The following DHX33 variants were observed in gnomAD, a reference collection of about 807,000 sequenced individuals.
The protein encoded by DHX33 is ATP-dependent RNA helicase DHX33.
In DHX33, 42 loss-of-function variants were observed where a neutral mutation model predicts 72.5. The ratio of observed to expected loss-of-function variants is 0.58; its 90% CI spans 0.45 to 0.75. DHX33 has a LOEUF of 0.75. Among genes scored for constraint, DHX33 ranks in the 30% least tolerant of loss-of-function variants. The pLI, the probability that DHX33 is intolerant of heterozygous loss-of-function variation, is 0.00. For synonymous variants in DHX33, 358 were observed against 366.1 expected (o/e 0.98, Z 0.25); for missense variants, 842 against 917.5 (o/e 0.92, Z 1.06).
intron 6 of DHX33, among the ~76,000 whole-genome samples, chr17:5,454,871 C>T (rs1392773664): frequency 6.6e-6 from 1 of 152,160 alleles, no homozygotes; most frequent in East Asian, 1.9e-4. Flanking sequence ...CTGTCCCTGG[C>T]CTTAGAGCCG....
In DHX33 at chr17:5,453,714, T is replaced by C. The variant is rs376286423; in HGVS notation, c.1308-46A>G. The C allele has an allele frequency of 1.5e-5, 24 of 1,612,496 alleles. No homozygotes were observed. The African/African-American group carries it at 1.7e-4, about 12-fold the overall frequency. ...GGGTCATGACCTGATCCCTCTGCCA[T>C]TGAGTCAGAACCCCTCATGGTGGAG... On this transcript the variant is annotated intron_variant, in intron 7 of 11. Transcript: ENST00000225296.
chr17:5,454,690 A>G (rs572049184), intron 6 of DHX33, among the ~76,000 whole-genome samples: 63 of 152,358 alleles, frequency 4.1e-4, no homozygotes, highest in African/African-American at 1.4e-3. Context: ...TAAAACAGAC[A>G]TGAGTCAAGA....
intron 1 of DHX33, among the ~76,000 whole-genome samples, chr17:5,464,252 C>A (rs958041732): frequency 6.6e-6 from 1 of 152,120 alleles, no homozygotes; most frequent in African/African-American, 2.4e-5. Flanking sequence ...ATTGCTTGAG[C>A]CTGAGAGGTT....
chr17:5,461,073 AC>A lies in DHX33; in HGVS notation c.714del (p.Phe239SerfsTer13). On this transcript the variant is annotated frameshift_variant, in exon 4 of 12. Coordinates refer to ENST00000225296, the MANE Select transcript of DHX33 (RefSeq NM_020162.4). LOFTEE classifies it high-confidence loss of function. Reference sequence around the variant, plus strand: ...GGGGCGCCATTGAAATACTGAGAGAACAGGTCCACATCCATCGTAGCTGACA... The same window carrying A: ...GGGGCGCCATTGAAATACTGAGAGAAAGGTCCACATCCATCGTAGCTGACA... ...IVMSATMDVD[L>X]FSQYFNGAPV... 1 of 1,613,554 alleles carries A rather than the reference AC, an allele frequency of 6.2e-7. No homozygotes were observed. The highest frequency in any genetic ancestry group is 1.1e-5 in the South Asian group (1 of 91,026).
chr17:5,452,151 A>T (rs1916947189), intron 8 of DHX33, among the ~76,000 whole-genome samples: 1 of 152,184 alleles, frequency 6.6e-6, no homozygotes, highest in Non-Finnish European at 1.5e-5. Flanking sequence ...CTTACACCTT[A>T]TGTATCTTCT....
chr17:5,455,842 G>A (rs745794591), intron 5 of DHX33, among the ~76,000 whole-genome samples, 155 bp downstream of exon 5: 4 of 152,176 alleles, frequency 2.6e-5, no homozygotes, highest in African/African-American at 7.2e-5. Flanking sequence ...GTGTCACCGC[G>A]CATTTTATTC....
rs550260735 is a variant in DHX33 at position 5,467,658 on chromosome 17, A to AC, written c.289+912dup. On this transcript the variant is annotated intron_variant, in intron 1 of 11. Coordinates refer to ENST00000225296, the MANE Select transcript of DHX33 (RefSeq NM_020162.4). ...CGGGAATATGCCAGCCGGGAGATAAACCCCCTCGGGCCGGAAAAATGTCTG... is the reference window on the plus strand; with the variant it reads ...CGGGAATATGCCAGCCGGGAGATAAACCCCCCTCGGGCCGGAAAAATGTCTG... 2.9e-3 allele frequency among the ~76,000 whole-genome samples: 435 copies of AC among 151,936 alleles called. 3 individuals carry two copies. The highest frequency in any genetic ancestry group is 0.014 in the Middle Eastern group (4 of 294).
chr17:5,454,392 C>T (rs943057835), intron 6 of DHX33, among the ~76,000 whole-genome samples: 9 of 152,110 alleles, frequency 5.9e-5, no homozygotes, highest in East Asian at 1.9e-4. Flanking sequence ...TCAATGACTA[C>T]GAAATTAAAT....
intron 3 of DHX33, 131 bp from the exon 4 acceptor site, chr17:5,461,240 C>A (rs944337495): frequency 1.8e-5 from 16 of 909,402 alleles, no homozygotes; most frequent in Non-Finnish European, 2.4e-5. Flanking sequence ...TTCCAAGGCT[C>A]TGAGCAGAAC....
intron 6 of DHX33, among the ~76,000 whole-genome samples, chr17:5,454,371 C>T (rs1276630394): frequency 1.3e-5 from 2 of 152,140 alleles, no homozygotes; most frequent in African/African-American, 4.8e-5. Flanking sequence ...GGATGGGGGT[C>T]ATACTATCAA....
At position 5,456,106 on chromosome 17, in the gene DHX33, C is replaced by T. The variant is rs140524289; in HGVS notation, c.926G>A (p.Arg309Gln). 9 of 1,613,932 alleles carry T rather than the reference C, an allele frequency of 5.6e-6. No homozygotes were observed. Among genetic ancestry groups the T allele is most frequent in the African/African-American group, 4.0e-5 (3 of 74,890 alleles). The change falls in exon 5 of 12, where the codon CGA becomes CAA. Residue 309 changes from arginine to glutamine, a missense_variant. By Grantham distance (43) the Arg-to-Gln change is conservative. Coordinates refer to ENST00000225296, the MANE Select transcript of DHX33 (RefSeq NM_020162.4). ...GTCTGGGAGGTGCTTTGCAATGTCT[C>T]GGCACGTCTTGCTCATGGCTTCGAT... Reference protein sequence around the residue: ...EEIEAMSKTCRDIAKHLPDGC... With the variant: ...EEIEAMSKTCQDIAKHLPDGC...
At position 5,455,172 on chromosome 17, in the gene DHX33, T is replaced by G; in HGVS notation, c.1135A>C (p.Lys379Gln). 6.2e-7 allele frequency: 1 copy of G among 1,613,578 alleles called. No homozygotes were observed. Among genetic ancestry groups the G allele is most frequent in the Non-Finnish European group, 8.5e-7 (1 of 1,179,458 alleles). ...TACAAATTCTCACCAGGGTTATACT[T>G]CTTTGCTTTAACCATGCCCGTGTCA... ...VVDTGMVKAK[K>Q]YNPDSGLEVL... Residue 379 changes from lysine (K) to glutamine (Q), a missense_variant, in exon 6 of 12, where the codon AAG (lysine) becomes CAG (glutamine). Lys to Gln is a moderately conservative substitution (Grantham distance 53). Transcript: ENST00000225296.
At chr17:5,450,495 T>A (rs1207812895) in intron 9 of DHX33, 89 bp from the exon 10 acceptor site, 1 of 1,392,074 alleles carries the variant, frequency 7.2e-7, no homozygotes, top group Non-Finnish European at 1.0e-6. Flanking sequence ...GCAGTTTCCC[T>A]TCTAAGGAGT....
chr17:5,444,122 G>A lies in DHX33; in HGVS notation c.*83C>T. 6.7e-7 allele frequency: 1 copy of A among 1,491,014 alleles called. No homozygotes were observed. The highest frequency in any genetic ancestry group is 9.0e-7 in the Non-Finnish European group (1 of 1,112,208). 92.4% of individuals were successfully genotyped at this position (1,491,014 alleles called of 1,614,324 possible). On this transcript the variant is annotated 3_prime_UTR_variant, in exon 12 of 12. Coordinates refer to ENST00000225296, the MANE Select transcript of DHX33 (RefSeq NM_020162.4). The surrounding 1 kb of genome is among the most constrained non-coding windows in gnomAD (Gnocchi z 4.9). ...TCAGCTGATTCCAAGGCTTCTCTAAGCGCCAACCTGGAAGCCTGCTGTAAG... is the reference window on the plus strand; with the variant it reads ...TCAGCTGATTCCAAGGCTTCTCTAAACGCCAACCTGGAAGCCTGCTGTAAG...
Position 5,461,100 on chromosome 17 carries a change from T to A in DHX33, c.688A>T (p.Met230Leu). The A allele has an allele frequency of 6.2e-7, 1 of 1,608,122 alleles. No individual in the cohort carries two copies. Among genetic ancestry groups the A allele is most frequent in the Non-Finnish European group, 8.5e-7 (1 of 1,175,770 alleles). Reference sequence around the variant, plus strand: ...AGGTCCACATCCATCGTAGCTGACATCACAATCACCTGCATAAGAGAACGA... The same window carrying A: ...AGGTCCACATCCATCGTAGCTGACAACACAATCACCTGCATAAGAGAACGA... Reference protein sequence around the residue: ...LGKLPLKVIVMSATMDVDLFS... With the variant: ...LGKLPLKVIVLSATMDVDLFS... Residue 230 changes from methionine to leucine, a missense_variant, in exon 4 of 12, where the codon ATG becomes TTG. Physicochemically the swap from Met to Leu is conservative, Grantham distance 15 (BLOSUM62 2). Transcript: ENST00000225296.
rs1301028753 is a variant in DHX33, at chr17:5,468,837, G to A, written c.23C>T (p.Pro8Leu). Residue 8 changes from proline (P) to leucine (L), a missense_variant, in exon 1 of 12, where the codon CCG becomes CTG. Coordinates refer to ENST00000225296, the MANE Select transcript of DHX33 (RefSeq NM_020162.4). MPEEAGF[P>L]PAKRFRPGSG... ...GCCTGGCCGGAATCTCTTGGCCGGC[G>A]GGAAGCCCGCCTCCTCCGGCATGTC... 11 of 1,563,758 alleles carry A rather than the reference G, an allele frequency of 7.0e-6. No homozygotes were observed. The highest frequency in any genetic ancestry group is 3.4e-4 in the Middle Eastern group (2 of 5,924).
rs1384510752 is a variant in DHX33, at chr17:5,448,853, G to C, written c.1771C>G (p.Leu591Val). 2 of 1,613,254 alleles carry C rather than the reference G, an allele frequency of 1.2e-6. No individual in the cohort carries two copies. Among genetic ancestry groups the C allele is most frequent in the East Asian group, 2.2e-5 (1 of 44,780 alleles). Residue 591 changes from leucine to valine, a missense_variant, in exon 11 of 12, where the codon CTG becomes GTG. Physicochemically the swap from Leu to Val is conservative, Grantham distance 32 (BLOSUM62 1). Transcript: ENST00000225296. ...ENFVNSKNMT[L>V]VAEVRAQLRD... ...AGCTGTGCTCTGACTTCTGCTACCA[G>C]CGTCATATTCTTGCTGTTGACAAAA... is the stretch of plus-strand genomic sequence containing the variant.
chr17:5,466,102 C>T (rs771979386), intron 1 of DHX33, among the ~76,000 whole-genome samples: 1 of 152,164 alleles, frequency 6.6e-6, no homozygotes, highest in African/African-American at 2.4e-5. Flanking sequence ...TACAGATGGT[C>T]CCTGTCTTAG....
Position 5,442,491 on chromosome 17 carries a change from C to T in DHX33, c.*1714G>A, listed in dbSNP as rs2151679990. ...AGGAGCTGTCAGATCTTCTTTTGCC[C>T]ACGTATAACCATTTCTGACAGACAG... On this transcript the variant is annotated 3_prime_UTR_variant, in exon 12 of 12. Transcript: ENST00000225296. 6.6e-6 allele frequency: 1 copy of T among 152,170 alleles called. No individual in the cohort carries two copies. 9.4% of individuals were successfully genotyped at this position (152,170 alleles called of 1,614,324 possible). A position where few individuals can be genotyped will look rare whatever the true frequency, so the allele number is the denominator to read the frequency against.
Sources: allele counts gnomAD v4.1 joint callset (sites outside exome capture counted in the v4.1 genomes callset), GRCh38; gene constraint gnomAD v4.1.1; non-coding constraint Gnocchi (gnomAD v3.1); transcripts MANE v1.5; gene names NCBI Gene and HGNC (gene_info 2026-07-23, HGNC 2026-07-21).